CNTNAP5: variants seen among roughly 807,000 people sequenced by gnomAD.
CNTNAP5 encodes contactin-associated protein-like 5.
CNTNAP5 carries 72 observed loss-of-function variants against 150.2 expected under a neutral mutation model. That is an observed-to-expected ratio of 0.48 (90% CI 0.40 to 0.58). CNTNAP5 has a LOEUF of 0.58. Among genes scored for constraint, CNTNAP5 ranks in the 20% least tolerant of loss-of-function variants. The pLI, the probability that CNTNAP5 is intolerant of heterozygous loss-of-function variation, is 0.00. For missense variants in CNTNAP5, 1,636 were observed against 1,626.2 expected (o/e 1.01, Z -0.10); for synonymous variants, 672 against 619.8 (o/e 1.08, Z -1.25).
At chr2:124,549,770 A>G (rs1695589426) in intron 10 of CNTNAP5, among the ~76,000 whole-genome samples, 1 of 152,242 alleles carries the variant, frequency 6.6e-6, no homozygotes, top group Non-Finnish European at 1.5e-5. Flanking sequence ...AAAAAAGTAA[A>G]AGCCAGATAA....
intron 1 of CNTNAP5, among the ~76,000 whole-genome samples, chr2:124,142,175 C>A (rs1340151266): frequency 1.7e-5 from 2 of 121,088 alleles, no homozygotes; most frequent in South Asian, 7.0e-4. Flanking sequence ...ACTTAGACTC[C>A]CACACATTAA....
chr2:124,734,494 G>T (rs1680341244), intron 13 of CNTNAP5, among the ~76,000 whole-genome samples: 1 of 151,934 alleles, frequency 6.6e-6, no homozygotes, highest in African/African-American at 2.4e-5. Context: ...GGGAATGGGG[G>T]CTAGCGAAGA....
chr2:124,867,131 T>G (rs529356713), intron 20 of CNTNAP5, among the ~76,000 whole-genome samples: 1 of 152,222 alleles, frequency 6.6e-6, no homozygotes, highest in African/African-American at 2.4e-5. Context: ...CCTTTCATCA[T>G]TTATTCCAGC....
At chr2:124,303,295 A>G (rs552232647) in intron 3 of CNTNAP5, among the ~76,000 whole-genome samples, 1 of 152,336 alleles carries the variant, frequency 6.6e-6, no homozygotes, top group African/African-American at 2.4e-5. Flanking sequence ...CCAGAGTGTT[A>G]TGGAAGAAAT....
intron 19 of CNTNAP5, among the ~76,000 whole-genome samples, chr2:124,835,683 T>C (rs1343546449): frequency 6.6e-6 from 1 of 152,188 alleles, no homozygotes; most frequent in African/African-American, 2.4e-5. Flanking sequence ...ATATCTGTTA[T>C]ATGGTGTGCA....
intron 12 of CNTNAP5, among the ~76,000 whole-genome samples, chr2:124,629,820 C>G (rs1604806): frequency 0.41 from 56,326 of 138,880 alleles, 13,139 homozygotes; most frequent in Non-Finnish European, 0.54. Flanking sequence ...AGACTGCTAG[C>G]AAGACTAACA....
chr2:124,208,721 T>C (rs979358717), intron 1 of CNTNAP5, among the ~76,000 whole-genome samples: 8 of 152,144 alleles, frequency 5.3e-5, no homozygotes, highest in African/African-American at 1.9e-4. Flanking sequence ...CCAAGAGGCC[T>C]AGTGATAAAA....
chr2:124,083,729 G>C (rs943008682), intron 1 of CNTNAP5, among the ~76,000 whole-genome samples: 3 of 151,850 alleles, frequency 2.0e-5, no homozygotes, highest in Non-Finnish European at 2.9e-5. Flanking sequence ...AAATTGAGTA[G>C]ACTAATTTAT....
At chr2:124,827,391 TC>T (rs1316033124) in intron 19 of CNTNAP5, among the ~76,000 whole-genome samples, 1 of 152,134 alleles carries the variant, frequency 6.6e-6, no homozygotes, top group Non-Finnish European at 1.5e-5. Flanking sequence ...CTTGTACTGG[TC>T]CTCTCTGAGC....
chr2:124,286,301 A>G (rs1195898747), intron 3 of CNTNAP5, among the ~76,000 whole-genome samples: 1 of 152,094 alleles, frequency 6.6e-6, no homozygotes, highest in Non-Finnish European at 1.5e-5. Context: ...GCGACGGCCT[A>G]CTTCTTCTGC....
At chr2:124,765,720 C>T (rs1681053568) in intron 16 of CNTNAP5, among the ~76,000 whole-genome samples, 2 of 152,048 alleles carry the variant, frequency 1.3e-5, no homozygotes, top group South Asian at 4.1e-4. Flanking sequence ...CTTTGGGAGG[C>T]CTAAGCAGGA....
rs148604767 is a variant in CNTNAP5 at position 124,664,975 on chromosome 2, C to T, written c.2077+17017C>T. On this transcript the variant is annotated intron_variant, in intron 13 of 23. Coordinates refer to ENST00000682447, the MANE Select transcript of CNTNAP5 (RefSeq NM_001367498.1). ...GTGCTGGGATTATAGGCGTGAGCCACTGCACCTGGCCAGGAAGTTTAATCC... is the reference window on the plus strand; with the variant it reads ...GTGCTGGGATTATAGGCGTGAGCCATTGCACCTGGCCAGGAAGTTTAATCC... Among the ~76,000 whole-genome samples, 1,088 of 152,358 alleles carry T rather than the reference C, an allele frequency of 7.1e-3. 10 individuals carry two copies. The highest frequency in any genetic ancestry group is 0.012 in the Non-Finnish European group (806 of 68,030).
rs550335036 is a variant in CNTNAP5 at position 124,123,533 on chromosome 2, T to C, written c.82+97801T>C. ...ACTTCAGCAGACTTAAACGTCCCTG[T>C]CTGACAGCTTTGAAGAGAGTAGTGG... On this transcript the variant is annotated intron_variant, in intron 1 of 23. Transcript: ENST00000682447. 8.5e-5 allele frequency among the ~76,000 whole-genome samples: 13 copies of C among 152,240 alleles called. No individual in the cohort carries two copies. The South Asian group carries it at 2.3e-3, about 27-fold the overall frequency.
intron 13 of CNTNAP5, among the ~76,000 whole-genome samples, chr2:124,740,431 A>G (rs1680473310): frequency 6.6e-6 from 1 of 152,162 alleles, no homozygotes; most frequent in Admixed American, 6.5e-5. Flanking sequence ...CCGTGTTTGA[A>G]GGGGACAAAG....
At chr2:124,876,587 T>C (rs1465705295) in intron 21 of CNTNAP5, among the ~76,000 whole-genome samples, 3 of 152,024 alleles carry the variant, frequency 2.0e-5, no homozygotes, top group Non-Finnish European at 4.4e-5. Context: ...AGTTGAGCTA[T>C]GCTCTTTTAA....
Position 124,883,778 on chromosome 2 carries a change from A to T in CNTNAP5, c.3436+14016A>T, listed in dbSNP as rs539766768. ...TATGGGTGCATGCTTGCATATGTCC[A>T]TGTGTCCACATGCATAAACACGTGT... On this transcript the variant is annotated intron_variant, in intron 21 of 23. Transcript: ENST00000682447. Among the ~76,000 whole-genome samples the T allele has an allele frequency of 3.3e-5, 5 of 152,200 alleles. No individual in the cohort carries two copies. In the South Asian group the frequency reaches 1.0e-3, roughly 32 times the overall value.
chr2:124,315,239 G>A (rs893374118), intron 3 of CNTNAP5, among the ~76,000 whole-genome samples: 1 of 152,122 alleles, frequency 6.6e-6, no homozygotes. Context: ...GAGGTTACAG[G>A]GCATGAGCCA....
intron 13 of CNTNAP5, among the ~76,000 whole-genome samples, chr2:124,706,917 A>G (rs1431131068): frequency 1.1e-5 from 1 of 91,144 alleles, no homozygotes; most frequent in Non-Finnish European, 2.2e-5. Context: ...GAGGAGGAGG[A>G]GAAGAAGAAG....
At chr2:124,510,321 CTATCTATA>C (rs1694543209) in intron 8 of CNTNAP5, among the ~76,000 whole-genome samples, 1 of 40,080 alleles carries the variant, frequency 2.5e-5, no homozygotes, top group Admixed American at 2.9e-4. Context: ...ATCTATATAT[CTATCTATA>C]TATATATCTC....
Sources: gnomAD v4.1 joint callset for allele counts (sites outside exome capture counted in the v4.1 genomes callset) on GRCh38, gnomAD v4.1.1 for gene constraint, MANE v1.5 for transcripts, NCBI Gene and HGNC (gene_info 2026-07-23, HGNC 2026-07-21) for gene names.